The following VPS13C variants were observed in gnomAD, a reference collection of about 807,000 sequenced individuals.
VPS13C encodes intermembrane lipid transfer protein VPS13C.
VPS13C carries 358 observed loss-of-function variants against 456.8 expected under a neutral mutation model. That is an observed-to-expected ratio of 0.78 (90% CI 0.72 to 0.86). VPS13C has a LOEUF of 0.86. Ranked by LOEUF, VPS13C falls within the 40% of genes least tolerant of loss-of-function variation. The pLI is 0.00. For missense variants in VPS13C, 4,818 were observed against 4,385.4 expected (o/e 1.10, Z -2.79); for synonymous variants, 1,578 against 1,486.7 (o/e 1.06, Z -1.41).
chr15:62,002,788 A>G (rs1489634752), intron 15 of VPS13C, among the ~76,000 whole-genome samples: 4 of 152,134 alleles, frequency 2.6e-5, no homozygotes, highest in Non-Finnish European at 4.4e-5. Flanking sequence ...TCCTTTCCCC[A>G]TTGCTTGTTT....
In VPS13C at chr15:61,983,805, T is replaced by A; in HGVS notation, c.1914+15A>T. ...AGATGATTTAAATAAAGAGTTACTTTCTCCTTGCACTTACAGCATCATAGA... is the reference window on the plus strand; with the variant it reads ...AGATGATTTAAATAAAGAGTTACTTACTCCTTGCACTTACAGCATCATAGA... On this transcript the variant is annotated intron_variant, in intron 20 of 84. Transcript: ENST00000644861. 6.2e-7 allele frequency: 1 copy of A among 1,610,460 alleles called. No individual in the cohort carries two copies. Among genetic ancestry groups the A allele is most frequent in the Non-Finnish European group, 8.5e-7 (1 of 1,179,078 alleles).
chr15:61,937,743 G>C (rs571315230), intron 47 of VPS13C, among the ~76,000 whole-genome samples: 16 of 152,216 alleles, frequency 1.1e-4, no homozygotes, highest in African/African-American at 3.9e-4. Context: ...CAAAGTGCTG[G>C]GATTACAGGC....
chr15:61,963,478 A>G (rs1354079763), intron 32 of VPS13C, among the ~76,000 whole-genome samples: 1 of 152,086 alleles, frequency 6.6e-6, no homozygotes, highest in African/African-American at 2.4e-5. Flanking sequence ...TGAAGGTAAA[A>G]AAAAAAGATT....
intron 16 of VPS13C, among the ~76,000 whole-genome samples, chr15:61,999,074 T>G (rs2140451143): frequency 6.6e-6 from 1 of 152,264 alleles, no homozygotes; most frequent in East Asian, 1.9e-4. Flanking sequence ...GTTAAGTTTT[T>G]GAAGAATCTA....
chr15:61,883,615 A>G (rs929357629), intron 68 of VPS13C, among the ~76,000 whole-genome samples: 3 of 152,144 alleles, frequency 2.0e-5, no homozygotes. Flanking sequence ...GTAAGGGCCT[A>G]GGTGGAGTGC....
chr15:61,909,484 G>A (rs1262209867), intron 64 of VPS13C, among the ~76,000 whole-genome samples: 2 of 152,232 alleles, frequency 1.3e-5, no homozygotes, highest in African/African-American at 4.8e-5. Context: ...TGGGATTACA[G>A]GCGTGAGCCT....
At chr15:61,952,489 C>G (rs552973918) in intron 38 of VPS13C, among the ~76,000 whole-genome samples, 1 of 151,866 alleles carries the variant, frequency 6.6e-6, no homozygotes, top group Non-Finnish European at 1.5e-5. Context: ...TTTAAAAGGT[C>G]TTATGGACTT....
rs955736265 is a variant in VPS13C at position 61,880,506 on chromosome 15, C to T, written c.10002+103G>A. 1.3e-5 allele frequency: 9 copies of T among 695,142 alleles called. No homozygotes were observed. The Admixed American group carries it at 2.5e-4, about 19-fold the overall frequency. The allele number at this position is 695,142 out of a possible 1,614,324, so 43.1% of individuals were successfully genotyped here. On this transcript the variant is annotated intron_variant, in intron 73 of 84. Coordinates refer to ENST00000644861, the MANE Select transcript of VPS13C (RefSeq NM_020821.3). ...TCGATTAATCAAACAAAATTCCCAC[C>T]AAATACATGATGCAACAAATTAAAA...
intron 47 of VPS13C, among the ~76,000 whole-genome samples, chr15:61,939,715 C>T (rs894359353): frequency 7.9e-5 from 12 of 152,272 alleles, no homozygotes; most frequent in African/African-American, 2.4e-4. Flanking sequence ...ACGCTGTGGC[C>T]GGAGCACGGT....
intron 18 of VPS13C, among the ~76,000 whole-genome samples, chr15:61,986,951 C>T (rs1296945671): frequency 6.6e-6 from 1 of 152,060 alleles, no homozygotes; most frequent in African/African-American, 2.4e-5. Context: ...AAAAACTCAT[C>T]ACCAGCAGAA....
At chr15:61,912,095 T>A (rs2140149284) in intron 62 of VPS13C, 91 bp from the exon 63 acceptor site, 2 of 1,087,834 alleles carry the variant, frequency 1.8e-6, no homozygotes, top group East Asian at 6.2e-5. Context: ...CTTCTTACAA[T>A]ATTTTAAAAT....
At chr15:61,916,249 A>C in intron 60 of VPS13C, among the ~76,000 whole-genome samples, 1 of 152,198 alleles carries the variant, frequency 6.6e-6, no homozygotes, top group East Asian at 1.9e-4. Flanking sequence ...TAGGAGGCTA[A>C]TAGCCATCAG....
At chr15:61,973,360 A>G in intron 26 of VPS13C, 94 bp downstream of exon 26, 1 of 992,646 alleles carries the variant, frequency 1.0e-6, no homozygotes, top group South Asian at 1.5e-5. Context: ...TTACTACAGC[A>G]CTTTCAGACT....
chr15:61,856,368 A>G lies in VPS13C; in HGVS notation c.10994T>C (p.Met3665Thr), dbSNP rs201125363. The G allele has an allele frequency of 8.1e-6, 13 of 1,613,430 alleles. No homozygotes were observed. Among genetic ancestry groups the G allele is most frequent in the East Asian group, 2.2e-5 (1 of 44,800 alleles). ...CIKEVEILGL[M>T]CVDWQCPFED... is the part of the protein sequence containing the mutation. Reference sequence around the variant, plus strand: ...AAATGGACATTGCCAGTCTACACACATAAGGCCCAGGATTTCAACTTCCTT... The same window carrying G: ...AAATGGACATTGCCAGTCTACACACGTAAGGCCCAGGATTTCAACTTCCTT... Residue 3665 changes from methionine (M) to threonine (T), a missense_variant, in exon 83 of 85, where the codon ATG (methionine) becomes ACG (threonine). Physicochemically the swap from Met to Thr is moderately conservative, Grantham distance 81 (BLOSUM62 -1). Transcript: ENST00000644861.
Position 61,878,627 on chromosome 15 carries a change from A to G in VPS13C, c.10122T>C (p.Asp3374=). Residue 3374 remains aspartate, a synonymous_variant, in exon 74 of 85, where the codon GAT becomes GAC. Transcript: ENST00000644861. ...LLKSIGATLT[D]VDDLIFKLAY... ...CTTACTTGAATATAAGGTCATCCAC[A>G]TCAGTCAGAGTAGCACCTATGCTTT... 6.2e-7 allele frequency: 1 copy of G among 1,609,978 alleles called. No homozygotes were observed. The highest frequency in any genetic ancestry group is 1.1e-5 in the South Asian group (1 of 90,610).
intron 77 of VPS13C, among the ~76,000 whole-genome samples, chr15:61,873,979 A>ACACACACACAC (rs1895225259): frequency 7.5e-6 from 1 of 132,952 alleles, no homozygotes. Context: ...CACACACACA[A>ACACACACACAC]ACAGAATACT....
At chr15:61,989,539 T>C (rs2046160798) in intron 18 of VPS13C, among the ~76,000 whole-genome samples, 1 of 151,862 alleles carries the variant, frequency 6.6e-6, no homozygotes, top group East Asian at 1.9e-4. Flanking sequence ...ATCCAGAATA[T>C]ATAAAGAATT....
chr15:62,035,185 A>T (rs909326428), intron 3 of VPS13C, 133 bp from the exon 4 acceptor site: 6 of 461,696 alleles, frequency 1.3e-5, no homozygotes, highest in African/African-American at 2.0e-5. Context: ...AAATGAAAAA[A>T]ATCCAACACT....
intron 13 of VPS13C, among the ~76,000 whole-genome samples, chr15:62,009,374 A>AT (rs1344320263): frequency 1.3e-5 from 2 of 150,742 alleles, no homozygotes; most frequent in East Asian, 3.9e-4. Flanking sequence ...AAAAAAAAAA[A>AT]GGGGGCAAGT....
Sources: allele counts gnomAD v4.1 joint callset (sites outside exome capture counted in the v4.1 genomes callset), GRCh38; gene constraint gnomAD v4.1.1; transcripts MANE v1.5; gene names NCBI Gene and HGNC (gene_info 2026-07-23, HGNC 2026-07-21).